SLC37A1: variants seen among roughly 807,000 people sequenced by gnomAD.
SLC37A1 encodes the protein solute carrier family 37 member 1, also known as glucose-6-phosphate exchanger SLC37A1.
In SLC37A1, 49 loss-of-function variants were observed where a neutral mutation model predicts 75.3. The observed-to-expected ratio is 0.65, with a 90% CI of 0.52 to 0.83. SLC37A1 has a LOEUF of 0.83. SLC37A1 is among the 40% of genes least tolerant of loss of function. SLC37A1 has a pLI of 0.00. For synonymous variants in SLC37A1, 268 were observed against 292.1 expected (o/e 0.92, Z 0.84); for missense variants, 566 against 695.0 (o/e 0.81, Z 2.09).
chr21:42,559,678 C>G (rs1182877216), intron 11 of SLC37A1, among the ~76,000 whole-genome samples: 1 of 152,244 alleles, frequency 6.6e-6, no homozygotes, highest in Non-Finnish European at 1.5e-5. Context: ...GAGTTCAAAA[C>G]CAGCCTGGCC....
At chr21:42,561,883 G>C (rs751762891) in intron 11 of SLC37A1, 195 bp from the exon 12 acceptor site, 1 of 556,920 alleles carries the variant, frequency 1.8e-6, no homozygotes, top group Non-Finnish European at 3.2e-6. Flanking sequence ...CGGGGTGAGC[G>C]CTCCACTGTT....
rs1216168196 is a variant in SLC37A1 at position 42,526,679 on chromosome 21, G to A, written c.138+822G>A. ...ATGCAGAGGCTGGCTGTTTTGTGAC[G>A]GTCCTAGGTTCCCCACTCTCCAGCA... On this transcript the variant is annotated intron_variant, in intron 3 of 19. Transcript: ENST00000352133. 2.6e-5 allele frequency among the ~76,000 whole-genome samples: 4 copies of A among 152,132 alleles called. No individual in the cohort carries two copies. In the East Asian group the frequency reaches 5.8e-4, roughly 22 times the overall value.
At chr21:42,564,889 A>C in intron 14 of SLC37A1, 96 bp downstream of exon 14, 1 of 1,189,068 alleles carries the variant, frequency 8.4e-7, no homozygotes, top group Non-Finnish European at 1.2e-6. Context: ...CCCGTGCTCC[A>C]CTTTCCTGAC....
rs1482023848 is a variant in SLC37A1 at position 42,534,557 on chromosome 21, G to A, written c.139-141G>A. 6 of 1,039,988 alleles carry A rather than the reference G, an allele frequency of 5.8e-6. No individual in the cohort carries two copies. In the African/African-American group the frequency reaches 9.8e-5, roughly 17 times the overall value. The allele number at this position is 1,039,988 out of a possible 1,614,324, so 64.4% of individuals were successfully genotyped here. A position where few individuals can be genotyped will look rare whatever the true frequency, so the allele number is the denominator to read the frequency against. On this transcript the variant is annotated intron_variant, in intron 3 of 19. Coordinates refer to ENST00000352133, the MANE Select transcript of SLC37A1 (RefSeq NM_001320537.2). ...GCAGACACACCGCCAGCAGCGCCTT[G>A]TGTCCCTCTTAGAATGCAGGGTGCA... is the stretch of plus-strand genomic sequence containing the variant.
At chr21:42,563,749 A>G (rs2146990678) in intron 12 of SLC37A1, 66 bp from the exon 13 acceptor site, 1 of 1,496,570 alleles carries the variant, frequency 6.7e-7, no homozygotes, top group Non-Finnish European at 9.3e-7. Flanking sequence ...CTGTTCTGCC[A>G]TGGTGTGTCG....
At chr21:42,571,427 TTTC>T (rs1307425664) in intron 17 of SLC37A1, among the ~76,000 whole-genome samples, 3 of 152,252 alleles carry the variant, frequency 2.0e-5, no homozygotes, top group East Asian at 1.9e-4. Context: ...GCACTGCATT[TTTC>T]TTCAAGTTAA....
chr21:42,521,813 TAACAC>T (rs2054657295), intron 2 of SLC37A1, among the ~76,000 whole-genome samples: 3 of 152,346 alleles, frequency 2.0e-5, no homozygotes, highest in Admixed American at 6.5e-5. Context: ...AGTCTAAACA[TAACAC>T]AAAACAAAAA....
chr21:42,526,393 C>T (rs1434872971), intron 3 of SLC37A1, among the ~76,000 whole-genome samples: 1 of 152,200 alleles, frequency 6.6e-6, no homozygotes, highest in Non-Finnish European at 1.5e-5. Context: ...TTCTTACCCT[C>T]ATTGGGATTA....
At chr21:42,579,655 C>T (rs1411263136) in intron 18 of SLC37A1, 81 bp from the exon 19 acceptor site, 3 of 1,454,656 alleles carry the variant, frequency 2.1e-6, no homozygotes, top group Admixed American at 1.9e-5. Flanking sequence ...GCCTTGCGGG[C>T]CAGGTCCTCA....
At chr21:42,524,583 A>G (rs891519750) in intron 2 of SLC37A1, among the ~76,000 whole-genome samples, 2 of 152,248 alleles carry the variant, frequency 1.3e-5, no homozygotes, top group Non-Finnish European at 2.9e-5. Context: ...AGAGCCAAAA[A>G]TAAATATGAT....
chr21:42,525,357 C>T (rs997546427), intron 2 of SLC37A1, among the ~76,000 whole-genome samples: 8 of 152,318 alleles, frequency 5.3e-5, no homozygotes, highest in Non-Finnish European at 8.8e-5. Flanking sequence ...GCATGTGAAG[C>T]GGGGCAGCCT....
intron 9 of SLC37A1, among the ~76,000 whole-genome samples, chr21:42,549,879 A>C (rs1171583879): frequency 1.3e-5 from 2 of 152,326 alleles, no homozygotes; most frequent in Non-Finnish European, 2.9e-5. Context: ...GGAGACTTTA[A>C]ACATATAAAA....
At chr21:42,532,776 C>G (rs2055023384) in intron 3 of SLC37A1, among the ~76,000 whole-genome samples, 1 of 152,162 alleles carries the variant, frequency 6.6e-6, no homozygotes, top group South Asian at 2.1e-4. Context: ...TGAAAGCACT[C>G]TCTTCCTGAG....
Position 42,579,777 on chromosome 21 carries a change from G to T in SLC37A1, c.1563G>T (p.Gly521=). The change falls in exon 19 of 20, where the codon GGG becomes GGT. Residue 521 remains glycine (G), a synonymous_variant. Transcript: ENST00000352133. ...TACACAAGGAGCTGAGCTGCCCAGG[G>T]TCAGCTACGGGGGACCAAGTTCCGT... is the stretch of plus-strand genomic sequence containing the variant. ...RLIHKELSCP[G]SATGDQVPFK... 1.2e-6 allele frequency: 2 copies of T among 1,614,210 alleles called. No homozygotes were observed. Among genetic ancestry groups the T allele is most frequent in the Middle Eastern group, 3.3e-4 (2 of 6,062 alleles).
At chr21:42,543,209 C>T (rs1055082899) in intron 7 of SLC37A1, among the ~76,000 whole-genome samples, 1 of 152,220 alleles carries the variant, frequency 6.6e-6, no homozygotes. Flanking sequence ...GTACAGAATG[C>T]GCTCAGAGCA....
chr21:42,540,778 T>G (rs544304130), intron 6 of SLC37A1, among the ~76,000 whole-genome samples: 1 of 152,362 alleles, frequency 6.6e-6, no homozygotes, highest in South Asian at 2.1e-4. Flanking sequence ...TTGTATTTAA[T>G]TTTGCTTTTC....
intron 10 of SLC37A1, among the ~76,000 whole-genome samples, chr21:42,555,844 G>T (rs988491344): frequency 2.0e-5 from 3 of 152,252 alleles, no homozygotes; most frequent in Non-Finnish European, 4.4e-5. Context: ...TTCAGGCTGA[G>T]GGTGACGACC....
intron 3 of SLC37A1, among the ~76,000 whole-genome samples, chr21:42,532,473 T>C (rs1010788887): frequency 6.6e-6 from 1 of 152,132 alleles, no homozygotes; most frequent in African/African-American, 2.4e-5. Flanking sequence ...AGAGGTGAAT[T>C]GTAGTGGCGA....
At position 42,543,509 on chromosome 21, in the gene SLC37A1, T is replaced by A; in HGVS notation, c.637T>A (p.Tyr213Asn). 5 of 1,614,202 alleles carry A rather than the reference T, an allele frequency of 3.1e-6. No individual in the cohort carries two copies. The highest frequency in any genetic ancestry group is 4.2e-6 in the Non-Finnish European group (5 of 1,180,014). ...GNILGSLIAGYWVSTCWGLSF... is the reference protein window; with the variant it reads ...GNILGSLIAGNWVSTCWGLSF... The stretch of plus-strand genomic sequence containing the variant: ...CATCTTGGGGTCATTGATCGCTGGC[T>A]ACTGGGTGTCCACATGCTGGGGCCT... Residue 213 changes from tyrosine to asparagine, a missense_variant, in exon 8 of 20, where the codon TAC becomes AAC. Coordinates refer to ENST00000352133, the MANE Select transcript of SLC37A1 (RefSeq NM_001320537.2).
Sources: gnomAD v4.1 joint callset for allele counts (sites outside exome capture counted in the v4.1 genomes callset) on GRCh38, gnomAD v4.1.1 for gene constraint, MANE v1.5 for transcripts, NCBI Gene and HGNC (gene_info 2026-07-23, HGNC 2026-07-21) for gene names.